CIMAP3: variants seen among roughly 807,000 people sequenced by gnomAD.
CIMAP3 encodes ciliary microtubule-associated protein 3.
chr1:111,325,533 C>T, the CIMAP3 span, among the ~76,000 whole-genome samples: 1 of 152,104 alleles, frequency 6.6e-6, no homozygotes, highest in African/African-American at 2.4e-5. Flanking sequence ...ATTCTCAATC[C>T]TGCTTTGAGT....
chr1:111,336,091 G>T, the CIMAP3 span, among the ~76,000 whole-genome samples: 3 of 152,100 alleles, frequency 2.0e-5, no homozygotes, highest in African/African-American at 7.2e-5. Flanking sequence ...AGGCAAACAG[G>T]GTCTGGAGTG....
the CIMAP3 span, chr1:111,348,611 A>G: frequency 1.2e-6 from 2 of 1,612,404 alleles, no homozygotes; most frequent in Non-Finnish European, 8.5e-7. Context: ...TGGTGCCTCG[A>G]TTTAAGAACT....
the CIMAP3 span, chr1:111,347,637 T>TTGG: frequency 1.7e-6 from 2 of 1,188,994 alleles, no homozygotes; most frequent in African/African-American, 1.6e-5. Flanking sequence ...TTTTTTTTTT[T>TTGG]GGTGTTTTTG....
At chr1:111,336,771 C>G in the CIMAP3 span, among the ~76,000 whole-genome samples, 2 of 152,170 alleles carry the variant, frequency 1.3e-5, no homozygotes, top group African/African-American at 4.8e-5. Context: ...GGAAAACACT[C>G]TGCAGGATAT....
chr1:111,342,960 C>CT, the CIMAP3 span, among the ~76,000 whole-genome samples: 1 of 152,090 alleles, frequency 6.6e-6, no homozygotes, highest in African/African-American at 2.4e-5. Context: ...AATCCCAGTG[C>CT]TGTATATCTG....
chr1:111,343,006 A>T, the CIMAP3 span, among the ~76,000 whole-genome samples: 1 of 152,154 alleles, frequency 6.6e-6, no homozygotes, highest in Non-Finnish European at 1.5e-5. Flanking sequence ...GGGTGAAGCC[A>T]GTTTGCTTCT....
the CIMAP3 span, among the ~76,000 whole-genome samples, chr1:111,326,480 C>G: frequency 1.3e-5 from 2 of 152,124 alleles, no homozygotes; most frequent in Non-Finnish European, 2.9e-5. Flanking sequence ...CGTGATTTCA[C>G]TCTTTTTTTA....
chr1:111,348,736 G>T, the CIMAP3 span: 3 of 1,301,172 alleles, frequency 2.3e-6, no homozygotes, highest in Non-Finnish European at 3.1e-6. Context: ...AAGAAGGGAT[G>T]ACATCCAAAC....
At chr1:111,331,813 T>C in the CIMAP3 span, among the ~76,000 whole-genome samples, 248 of 152,260 alleles carry the variant, frequency 1.6e-3, no homozygotes, top group Middle Eastern at 6.8e-3. Context: ...ACACATCTGA[T>C]AGGAAAGTCA....
chr1:111,352,181 G>A, the CIMAP3 span: 1 of 152,300 alleles, frequency 6.6e-6, no homozygotes, highest in Admixed American at 6.5e-5. Flanking sequence ...CTGAGAGATA[G>A]ACCCCTTTCT....
chr1:111,351,661 C>T, the CIMAP3 span: 1 of 193,650 alleles, frequency 5.2e-6, no homozygotes, highest in South Asian at 1.6e-4. Flanking sequence ...TACCACTAGC[C>T]CTGGTCATAG....
the CIMAP3 span, among the ~76,000 whole-genome samples, chr1:111,348,182 T>G: frequency 6.6e-6 from 1 of 152,218 alleles, no homozygotes; most frequent in Non-Finnish European, 1.5e-5. Context: ...TTGGACGACA[T>G]TTTCCTGACA....
At chr1:111,343,959 A>T in the CIMAP3 span, among the ~76,000 whole-genome samples, 1 of 152,030 alleles carries the variant, frequency 6.6e-6, no homozygotes, top group African/African-American at 2.4e-5. Context: ...CCCTATGTTC[A>T]CCTTGCAGTC....
chr1:111,347,798 T>A, the CIMAP3 span: 5 of 1,535,156 alleles, frequency 3.3e-6, no homozygotes, highest in East Asian at 1.1e-4. Flanking sequence ...TTTAGTGTTA[T>A]CCACGTTGTT....
the CIMAP3 span, among the ~76,000 whole-genome samples, chr1:111,329,044 T>C: frequency 6.6e-6 from 1 of 152,258 alleles, no homozygotes. Flanking sequence ...GCAGACCTGG[T>C]AATGAATTCT....
At chr1:111,328,275 G>A in the CIMAP3 span, among the ~76,000 whole-genome samples, 1 of 152,144 alleles carries the variant, frequency 6.6e-6, no homozygotes, top group Non-Finnish European at 1.5e-5. Context: ...CAATTATGTG[G>A]TCGATTTTAG....
chr1:111,351,828 T>C, the CIMAP3 span: 1 of 152,582 alleles, frequency 6.6e-6, no homozygotes, highest in Non-Finnish European at 1.5e-5. Flanking sequence ...CTTTCCCAGA[T>C]TGACATAAAA....
At chr1:111,348,069 A>G in the CIMAP3 span, among the ~76,000 whole-genome samples, 1 of 152,196 alleles carries the variant, frequency 6.6e-6, no homozygotes, top group Non-Finnish European at 1.5e-5. Context: ...GTGTTTATAT[A>G]CATTATATTG....
the CIMAP3 span, chr1:111,351,524 G>GC: frequency 2.4e-6 from 1 of 413,916 alleles, no homozygotes; most frequent in Admixed American, 4.0e-5. Flanking sequence ...CTGACTTGTG[G>GC]TGTACACGTG....
Sources: gnomAD v4.1 joint callset for allele counts (sites outside exome capture counted in the v4.1 genomes callset) on GRCh38, gnomAD v4.1.1 for gene constraint, MANE v1.5 for transcripts, NCBI Gene and HGNC (gene_info 2026-07-23, HGNC 2026-07-21) for gene names.